The following CBFA2T2 variants were observed in gnomAD, a reference collection of about 807,000 sequenced individuals.
CBFA2T2 encodes CBFA2/RUNX1 partner transcriptional co-repressor 2, also known as protein CBFA2T2.
CBFA2T2 carries 11 observed loss-of-function variants against 62.2 expected under a neutral mutation model. The observed-to-expected ratio is 0.18, with a 90% confidence interval of 0.11 to 0.29. CBFA2T2 has a LOEUF of 0.29. CBFA2T2 is among the 10% of genes least tolerant of loss of function. The pLI is 1.00. For missense variants in CBFA2T2, 592 were observed against 774.1 expected (o/e 0.76, Z 2.79); for synonymous variants, 295 against 287.5 (o/e 1.03, Z -0.27).
At chr20:33,629,358 G>T (rs2016365468) in intron 7 of CBFA2T2, among the ~76,000 whole-genome samples, 1 of 152,216 alleles carries the variant, frequency 6.6e-6, no homozygotes, top group Non-Finnish European at 1.5e-5. Context: ...AAATGTGTGT[G>T]TGCCTTATTT....
chr20:33,567,577 C>CTT (rs373964050), intron 1 of CBFA2T2, among the ~76,000 whole-genome samples: 7 of 139,006 alleles, frequency 5.0e-5, no homozygotes, highest in East Asian at 4.2e-4. Context: ...GTAAATTAAA[C>CTT]TTTTTTTTTT....
intron 1 of CBFA2T2, among the ~76,000 whole-genome samples, chr20:33,559,212 C>T: frequency 8.5e-6 from 1 of 117,478 alleles, no homozygotes; most frequent in Admixed American, 1.2e-4. Context: ...GAGTGTCACT[C>T]TGTCACCCAG....
intron 1 of CBFA2T2, among the ~76,000 whole-genome samples, chr20:33,532,379 G>A (rs528700874): frequency 2.6e-5 from 4 of 152,332 alleles, no homozygotes; most frequent in African/African-American, 4.8e-5. Flanking sequence ...CAGCAGAAAC[G>A]TTGGGCAAGG....
chr20:33,568,772 C>T (rs1161396365), intron 1 of CBFA2T2, among the ~76,000 whole-genome samples: 3 of 152,184 alleles, frequency 2.0e-5, no homozygotes, highest in Non-Finnish European at 2.9e-5. Context: ...TGATTACTTC[C>T]ATATGGGTCT....
At chr20:33,637,130 C>A (rs1396462531) in intron 9 of CBFA2T2, among the ~76,000 whole-genome samples, 1 of 152,188 alleles carries the variant, frequency 6.6e-6, no homozygotes, top group African/African-American at 2.4e-5. Flanking sequence ...CTTTCTTTCA[C>A]CTTCTCTGTG....
chr20:33,539,936 G>A (rs2012367878), intron 1 of CBFA2T2, among the ~76,000 whole-genome samples: 1 of 151,944 alleles, frequency 6.6e-6, no homozygotes, highest in Non-Finnish European at 1.5e-5. Context: ...CTCCTCAAGT[G>A]CTGGGATTAT....
rs761112426 is a variant in CBFA2T2, at chr20:33,623,186, C to T, written c.582C>T (p.Tyr194=). 28 of 1,614,132 alleles carry T rather than the reference C, an allele frequency of 1.7e-5. 1 individual carries two copies. In the Admixed American group the frequency reaches 4.2e-4, roughly 24 times the overall value. ...CGGCCAAGCAGACCCCATCCCAGTA[C>T]CTGGCTCAGCACGAACACCTTCTGC... ...ARAAKQTPSQ[Y]LAQHEHLLLN... is the part of the protein sequence containing the mutation. The change falls in exon 5 of 11, where the codon TAC becomes TAT. Residue 194 remains tyrosine, a synonymous_variant. Coordinates refer to ENST00000342704, the MANE Select transcript of CBFA2T2 (RefSeq NM_001032999.3).
At chr20:33,545,828 C>A (rs137884947) in intron 1 of CBFA2T2, among the ~76,000 whole-genome samples, 8 of 152,264 alleles carry the variant, frequency 5.3e-5, no homozygotes, top group Admixed American at 6.5e-5. Flanking sequence ...GGTAGAAAAT[C>A]AAATATGGAA....
Position 33,613,300 on chromosome 20 carries a change from G to A in CBFA2T2, c.420+1965G>A, listed in dbSNP as rs191657843. ...ATTTGTAATTTGGGGCAGTTTTGGG[G>A]TCTCCAGCATCTCCCCCATGTTTGG... is the stretch of plus-strand genomic sequence containing the variant. On this transcript the variant is annotated intron_variant, in intron 3 of 10. Transcript: ENST00000342704. 3.3e-3 allele frequency among the ~76,000 whole-genome samples: 495 copies of A among 152,244 alleles called. 5 individuals are homozygous for A. Among genetic ancestry groups the A allele is most frequent in the Non-Finnish European group, 2.4e-3 (165 of 68,036 alleles).
chr20:33,640,464 C>T lies in CBFA2T2; in HGVS notation c.1421C>T (p.Ala474Val), dbSNP rs2016787952. Residue 474 changes from alanine (A) to valine (V), a missense_variant, in exon 10 of 11, where the codon GCG (alanine) becomes GTG (valine). Physicochemically the swap from Ala to Val is moderately conservative, Grantham distance 64. This residue lies in a region of CBFA2T2 where 58 missense variants were observed against 123.9 expected (regional missense o/e 0.47). Coordinates refer to ENST00000342704, the MANE Select transcript of CBFA2T2 (RefSeq NM_001032999.3). ...TERARMEQTI[A>V]DVKRQAAEDA... The stretch of plus-strand genomic sequence containing the variant: ...AGAGCACGAATGGAGCAAACCATAG[C>T]GGATGTCAAGCGGCAGGCCGCAGAG... 3.7e-6 allele frequency: 6 copies of T among 1,614,144 alleles called. No individual in the cohort carries two copies. Among genetic ancestry groups the T allele is most frequent in the Non-Finnish European group, 4.2e-6 (5 of 1,180,060 alleles).
chr20:33,536,411 C>G (rs1356630360), intron 1 of CBFA2T2, among the ~76,000 whole-genome samples: 1 of 149,866 alleles, frequency 6.7e-6, no homozygotes, highest in Non-Finnish European at 1.5e-5. Flanking sequence ...GACAGGGTGG[C>G]TGGCCGGGCG....
At chr20:33,564,100 A>G (rs927259436) in intron 1 of CBFA2T2, among the ~76,000 whole-genome samples, 2 of 152,038 alleles carry the variant, frequency 1.3e-5, no homozygotes, top group Non-Finnish European at 2.9e-5. Context: ...AAATTCTACC[A>G]TTTCTCAAAT....
chr20:33,622,833 A>G (rs1416648263), intron 4 of CBFA2T2, among the ~76,000 whole-genome samples: 2 of 152,214 alleles, frequency 1.3e-5, no homozygotes, highest in Non-Finnish European at 2.9e-5. Flanking sequence ...ATGTTCAACA[A>G]CCCTTTATTG....
At position 33,628,397 on chromosome 20, in the gene CBFA2T2, G is replaced by C. The variant is rs772794531; in HGVS notation, c.994G>C (p.Glu332Gln). 6.2e-7 allele frequency: 1 copy of C among 1,613,076 alleles called. No homozygotes were observed. The highest frequency in any genetic ancestry group is 2.2e-5 in the East Asian group (1 of 44,882). ...QDELVDHRLT[E>Q]REWADEWKHL... ...TGAGTTGGTAGATCATCGTTTGACA[G>C]AAAGGGAATGGGCTGATGAATGGAA... is the stretch of plus-strand genomic sequence containing the variant. Residue 332 changes from glutamate to glutamine, a missense_variant, in exon 7 of 11, where the codon GAA becomes CAA. Physicochemically the swap from Glu to Gln is conservative, Grantham distance 29. Around this residue, in one of 3 missense-constraint regions of CBFA2T2, gnomAD observed 449 missense variants for 551.2 expected, o/e 0.81. Coordinates refer to ENST00000342704, the MANE Select transcript of CBFA2T2 (RefSeq NM_001032999.3).
intron 1 of CBFA2T2, among the ~76,000 whole-genome samples, chr20:33,598,231 T>C (rs770042302): frequency 6.6e-5 from 10 of 152,168 alleles, no homozygotes; most frequent in Non-Finnish European, 1.3e-4. Context: ...GATAAACCGG[T>C]CTGACCAAAA....
chr20:33,588,811 G>C (rs1024333266), intron 1 of CBFA2T2, among the ~76,000 whole-genome samples: 2 of 152,134 alleles, frequency 1.3e-5, no homozygotes, highest in African/African-American at 4.8e-5. Context: ...GCCAGGCATG[G>C]TGGCAAGTGC....
At chr20:33,630,421 T>C (rs1420767027) in intron 8 of CBFA2T2, among the ~76,000 whole-genome samples, 1 of 152,236 alleles carries the variant, frequency 6.6e-6, no homozygotes, top group Non-Finnish European at 1.5e-5. Context: ...GTCATCACTT[T>C]CATTTCTCAC....
chr20:33,562,776 G>T lies in CBFA2T2; in HGVS notation c.35-44180G>T, dbSNP rs147735141. The T allele has an allele frequency of 1.5e-3, 953 of 631,094 alleles. 10 individuals carry two copies. The African/African-American group carries it at 0.017, about 11-fold the overall frequency. The allele number at this position is 631,094 out of a possible 1,614,324, so 39.1% of individuals were successfully genotyped here. ...ATTACGATGATATGAATGTTTCTTG[G>T]TATTTGATACAAGAGTTCAGCCTTT... is the stretch of plus-strand genomic sequence containing the variant. On this transcript the variant is annotated intron_variant, in intron 1 of 10. Coordinates refer to ENST00000342704, the MANE Select transcript of CBFA2T2 (RefSeq NM_001032999.3).
At chr20:33,587,149 G>C (rs1012123417) in intron 1 of CBFA2T2, among the ~76,000 whole-genome samples, 1 of 152,082 alleles carries the variant, frequency 6.6e-6, no homozygotes, top group African/African-American at 2.4e-5. Context: ...TCCCTATGTT[G>C]TCCAGGCTGT....
Sources: gnomAD v4.1 joint callset for allele counts (sites outside exome capture counted in the v4.1 genomes callset) on GRCh38, gnomAD v4.1.1 for gene constraint, gnomAD v4.1.1 regional missense constraint, MANE v1.5 for transcripts, NCBI Gene and HGNC (gene_info 2026-07-23, HGNC 2026-07-21) for gene names.